The following SPMIP4 variants were observed in gnomAD, a reference collection of about 807,000 sequenced individuals.
SPMIP4 encodes the protein sperm-associated microtubule inner protein 4.
the SPMIP4 span, among the ~76,000 whole-genome samples, chr7:25,174,911 T>C: frequency 6.6e-6 from 1 of 152,238 alleles, no homozygotes. The surrounding 1 kb of genome is among the most constrained non-coding windows in gnomAD (Gnocchi z 4.5). Flanking sequence ...AGCAAGTTTA[T>C]ATAAAATAGT....
the SPMIP4 span, among the ~76,000 whole-genome samples, chr7:25,143,583 CTTTTT>C: frequency 4.5e-5 from 5 of 110,688 alleles, no homozygotes; most frequent in East Asian, 2.5e-4. Flanking sequence ...AGTAAAGACA[CTTTTT>C]TTTTTTTTTT....
the SPMIP4 span, among the ~76,000 whole-genome samples, chr7:25,163,833 C>T: frequency 6.6e-6 from 1 of 152,218 alleles, no homozygotes; most frequent in East Asian, 1.9e-4. This position sits in a 1 kb window ranked among gnomAD's most constrained non-coding sequence, Gnocchi z 4.4. Context: ...CTTCCCTTCT[C>T]ACCGTGCCTC....
chr7:25,136,666 G>A, the SPMIP4 span: 1 of 1,614,152 alleles, frequency 6.2e-7, no homozygotes, highest in Non-Finnish European at 8.5e-7. The surrounding 1 kb of genome is among the most constrained non-coding windows in gnomAD (Gnocchi z 5.7). Flanking sequence ...AACTCTAGGA[G>A]TACAATCTGG....
the SPMIP4 span, among the ~76,000 whole-genome samples, chr7:25,137,269 G>A: frequency 7.1e-6 from 1 of 141,060 alleles, no homozygotes; most frequent in Non-Finnish European, 1.6e-5. Flanking sequence ...TGGGTCAGAA[G>A]GCCTGTAGTG....
At chr7:25,151,224 ATTT>A in the SPMIP4 span, among the ~76,000 whole-genome samples, 15 of 145,326 alleles carry the variant, frequency 1.0e-4, no homozygotes, top group African/African-American at 1.3e-4. Flanking sequence ...AAACTTTTAG[ATTT>A]TTTTTTTTTT....
the SPMIP4 span, chr7:25,136,902 A>T: frequency 9.5e-7 from 1 of 1,050,916 alleles, no homozygotes. The surrounding 1 kb of genome is among the most constrained non-coding windows in gnomAD (Gnocchi z 5.7). Flanking sequence ...AGATGGGCAT[A>T]GGAGTGTACA....
the SPMIP4 span, among the ~76,000 whole-genome samples, chr7:25,147,280 C>G: frequency 0.25 from 38,548 of 151,986 alleles, 5,643 homozygotes; most frequent in African/African-American, 0.41. Flanking sequence ...GGTGACAGAA[C>G]AAGACTCCAT....
the SPMIP4 span, chr7:25,136,153 C>G: frequency 6.2e-7 from 1 of 1,614,158 alleles, no homozygotes; most frequent in East Asian, 2.2e-5. The surrounding 1 kb of genome is among the most constrained non-coding windows in gnomAD (Gnocchi z 5.7). Flanking sequence ...CACTCCAGCT[C>G]TAGGAATCCA....
chr7:25,156,015 T>C, the SPMIP4 span, among the ~76,000 whole-genome samples: 12 of 152,204 alleles, frequency 7.9e-5, no homozygotes, highest in Non-Finnish European at 1.3e-4. Context: ...GGGCCACATA[T>C]TGTAACCTTG....
At chr7:25,178,202 C>A in the SPMIP4 span, among the ~76,000 whole-genome samples, 2 of 152,182 alleles carry the variant, frequency 1.3e-5, no homozygotes, top group East Asian at 3.8e-4. Flanking sequence ...TTTATCCAGT[C>A]AACCACTGAT....
At chr7:25,125,951 G>C in the SPMIP4 span, 3 of 985,156 alleles carry the variant, frequency 3.0e-6, no homozygotes, top group African/African-American at 1.7e-5. Flanking sequence ...CTGCATTTGC[G>C]GCAGAGACAG....
the SPMIP4 span, among the ~76,000 whole-genome samples, chr7:25,146,876 T>G: frequency 6.6e-6 from 1 of 152,324 alleles, no homozygotes; most frequent in South Asian, 2.1e-4. Context: ...CAAGGTAGAT[T>G]ACATCCTAGA....
chr7:25,131,842 G>A, the SPMIP4 span, among the ~76,000 whole-genome samples: 2 of 152,212 alleles, frequency 1.3e-5, no homozygotes, highest in African/African-American at 4.8e-5. This position sits in a 1 kb window ranked among gnomAD's most constrained non-coding sequence, Gnocchi z 4.2. Context: ...AGGAACAATG[G>A]CAAGCCTTTA....
At chr7:25,136,814 G>C in the SPMIP4 span, 1 of 1,589,336 alleles carries the variant, frequency 6.3e-7, no homozygotes, top group East Asian at 2.2e-5. The surrounding 1 kb of genome is among the most constrained non-coding windows in gnomAD (Gnocchi z 5.7). Context: ...GGGATAAAAA[G>C]GAGAAAAAAA....
chr7:25,173,742 T>C, the SPMIP4 span, among the ~76,000 whole-genome samples: 124 of 152,330 alleles, frequency 8.1e-4, no homozygotes, highest in African/African-American at 2.8e-3. This position sits in a 1 kb window ranked among gnomAD's most constrained non-coding sequence, Gnocchi z 4.4. Flanking sequence ...AAAAGTTACA[T>C]TCAAAACCTA....
chr7:25,166,486 C>G, the SPMIP4 span, among the ~76,000 whole-genome samples: 2 of 151,590 alleles, frequency 1.3e-5, no homozygotes, highest in Non-Finnish European at 2.9e-5. Flanking sequence ...ACTCGGGAGG[C>G]TGAGGCAGGA....
the SPMIP4 span, among the ~76,000 whole-genome samples, chr7:25,173,075 AAG>A: frequency 1.3e-5 from 2 of 151,318 alleles, no homozygotes; most frequent in Admixed American, 1.3e-4. The surrounding 1 kb of genome is among the most constrained non-coding windows in gnomAD (Gnocchi z 4.4). Flanking sequence ...GAGAATGGGA[AAG>A]AGAAGGGGAG....
the SPMIP4 span, among the ~76,000 whole-genome samples, chr7:25,166,131 G>A: frequency 6.6e-6 from 1 of 152,128 alleles, no homozygotes; most frequent in African/African-American, 2.4e-5. Flanking sequence ...TCCTGGGAGT[G>A]AGTCTGGCCA....
At chr7:25,154,986 G>A in the SPMIP4 span, 1 of 1,591,452 alleles carries the variant, frequency 6.3e-7, no homozygotes, top group Non-Finnish European at 8.6e-7. Flanking sequence ...AATTAATACA[G>A]TTCTGATTCC....
Sources: allele counts gnomAD v4.1 joint callset (sites outside exome capture counted in the v4.1 genomes callset), GRCh38; gene constraint gnomAD v4.1.1; non-coding constraint Gnocchi (gnomAD v3.1); transcripts MANE v1.5; gene names NCBI Gene and HGNC (gene_info 2026-07-23, HGNC 2026-07-21).